Variants in CNBD1 observed in about 807,000 individuals in gnomAD.
CNBD1 encodes the protein cyclic nucleotide-binding domain-containing protein 1.
Under a neutral mutation model 54.4 loss-of-function variants are expected in CNBD1, and 71 were observed. The ratio of observed to expected loss-of-function variants is 1.30; its 90% CI spans 1.08 to 1.59. The LOEUF (loss-of-function observed/expected upper bound fraction) is 1.59. Among genes scored for constraint, CNBD1 ranks in the 40% most tolerant of loss-of-function variants. The pLI is 0.00. For missense variants in CNBD1, 659 were observed against 518.0 expected (o/e 1.27, Z -2.64); for synonymous variants, 182 against 170.7 (o/e 1.07, Z -0.51).
At chr8:87,382,572 A>C in intron 10 of CNBD1, 48 bp from the exon 11 acceptor site, 2 of 1,480,168 alleles carry the variant, frequency 1.4e-6, no homozygotes, top group Non-Finnish European at 1.8e-6. Context: ...ATTACCAAAA[A>C]TGAGTATTTA....
chr8:87,233,116 T>G (rs537028604), intron 5 of CNBD1, among the ~76,000 whole-genome samples: 1 of 152,312 alleles, frequency 6.6e-6, no homozygotes, highest in African/African-American at 2.4e-5. Context: ...AATTATTATA[T>G]TCAATGAATA....
intron 4 of CNBD1, among the ~76,000 whole-genome samples, chr8:87,102,967 G>T (rs1811462156): frequency 6.6e-6 from 1 of 152,152 alleles, no homozygotes; most frequent in Non-Finnish European, 1.5e-5. Flanking sequence ...GGATTCAGAG[G>T]AACTGAAGAA....
At chr8:87,286,272 G>T (rs990319344) in intron 7 of CNBD1, among the ~76,000 whole-genome samples, 2 of 151,946 alleles carry the variant, frequency 1.3e-5, no homozygotes, top group Admixed American at 6.6e-5. Context: ...ACTATGACAG[G>T]GTTTTTAAAA....
At chr8:87,012,211 G>T (rs1418026981) in intron 4 of CNBD1, among the ~76,000 whole-genome samples, 4 of 152,140 alleles carry the variant, frequency 2.6e-5, no homozygotes, top group African/African-American at 4.8e-5. Flanking sequence ...TAGGTCATTG[G>T]TTGCAGAAAT....
rs1253629952 is a variant in CNBD1, at chr8:86,965,889, G to A, written c.431+26135G>A. ...TTCTCAACAGAGAGGAGGCCCTGGAGAGGGTGGCTTCTCTCTGCTTGTGGT... is the reference window on the plus strand; with the variant it reads ...TTCTCAACAGAGAGGAGGCCCTGGAAAGGGTGGCTTCTCTCTGCTTGTGGT... On this transcript the variant is annotated intron_variant, in intron 4 of 10. Transcript: ENST00000518476. Among the ~76,000 whole-genome samples, 8 of 152,250 alleles carry A rather than the reference G, an allele frequency of 5.3e-5. No homozygotes were observed. The South Asian group carries it at 1.7e-3, about 32-fold the overall frequency.
At chr8:86,876,679 T>C (rs1176249484) in intron 1 of CNBD1, among the ~76,000 whole-genome samples, 1 of 151,882 alleles carries the variant, frequency 6.6e-6, no homozygotes, top group Non-Finnish European at 1.5e-5. Context: ...GTCATTTTTT[T>C]CTTCAGAGAA....
rs1169625402 is a variant in CNBD1, at chr8:86,961,222, C to T, written c.431+21468C>T. 2.6e-5 allele frequency among the ~76,000 whole-genome samples: 4 copies of T among 152,134 alleles called. No homozygotes were observed. In the East Asian group the frequency reaches 7.7e-4, roughly 29 times the overall value. ...CCTAGCCATAAGATAGCACTACAAG[C>T]TTACCAGTTTTACTTTGTTTGCCCC... On this transcript the variant is annotated intron_variant, in intron 4 of 10. Transcript: ENST00000518476.
Position 87,286,600 on chromosome 8 carries a change from A to G in CNBD1, c.971A>G (p.Glu324Gly), listed in dbSNP as rs1214841400. 1 of 1,496,334 alleles carries G rather than the reference A, an allele frequency of 6.7e-7. No individual in the cohort carries two copies. Among genetic ancestry groups the G allele is most frequent in the Non-Finnish European group, 9.1e-7 (1 of 1,095,348 alleles). 92.7% of individuals were successfully genotyped at this position (1,496,334 alleles called of 1,614,324 possible). A position where few individuals can be genotyped will look rare whatever the true frequency, so the allele number is the denominator to read the frequency against. The stretch of plus-strand genomic sequence containing the variant: ...TTAATCCGTATGTGTCCTTATTATG[A>G]GGAATGGCCTACTTTATCCATATAT... ...LKLIRMCPYY[E>G]EWPTLSIYEL... Residue 324 changes from glutamate (E) to glycine (G), a missense_variant, in exon 8 of 11, where the codon GAG (glutamate) becomes GGG (glycine). Physicochemically the swap from Glu to Gly is moderately conservative, Grantham distance 98 (BLOSUM62 -2). Coordinates refer to ENST00000518476, the MANE Select transcript of CNBD1 (RefSeq NM_173538.3).
At chr8:86,940,461 C>T (rs34552117) in intron 4 of CNBD1, among the ~76,000 whole-genome samples, 21 of 152,116 alleles carry the variant, frequency 1.4e-4, no homozygotes, top group Admixed American at 3.9e-4. Context: ...CTTCCGCACC[C>T]GGCCCCATTC....
intron 4 of CNBD1, among the ~76,000 whole-genome samples, chr8:87,173,227 C>A (rs1202728769): frequency 1.3e-5 from 2 of 152,128 alleles, no homozygotes; most frequent in Admixed American, 6.5e-5. Context: ...CTATTTATAT[C>A]TCATTGTAAT....
chr8:87,004,152 A>C (rs1337547880), intron 4 of CNBD1, among the ~76,000 whole-genome samples: 3 of 152,206 alleles, frequency 2.0e-5, no homozygotes, highest in African/African-American at 7.2e-5. Flanking sequence ...CGCATAATTT[A>C]TAAACAAAAG....
intron 4 of CNBD1, among the ~76,000 whole-genome samples, chr8:87,196,680 A>G (rs540264583): frequency 5.4e-4 from 83 of 152,296 alleles, no homozygotes; most frequent in Middle Eastern, 3.4e-3. Flanking sequence ...AGCTCAGCAG[A>G]TGCCACCCCA....
intron 4 of CNBD1, among the ~76,000 whole-genome samples, chr8:87,189,058 T>C (rs966439918): frequency 6.6e-6 from 1 of 152,144 alleles, no homozygotes; most frequent in Non-Finnish European, 1.5e-5. Context: ...TTCAAATGTC[T>C]AAGTACAAAA....
At chr8:87,011,609 A>G (rs992460257) in intron 4 of CNBD1, among the ~76,000 whole-genome samples, 1 of 152,148 alleles carries the variant, frequency 6.6e-6, no homozygotes, top group Non-Finnish European at 1.5e-5. Flanking sequence ...TTGTAAAAAA[A>G]TCTTTATAAA....
Position 86,894,654 on chromosome 8 carries a change from C to G in CNBD1, c.158+7043C>G, listed in dbSNP as rs191933783. On this transcript the variant is annotated intron_variant, in intron 2 of 10. Transcript: ENST00000518476. ...TGTTCAATGTTACAGAATAATTTTA[C>G]TACTCTAAAAATCTTCTGCTCCATC... Among the ~76,000 whole-genome samples the G allele has an allele frequency of 7.2e-5, 11 of 152,194 alleles. No homozygotes were observed. In the East Asian group the frequency reaches 1.7e-3, roughly 24 times the overall value.
chr8:87,153,144 T>C (rs1586293213), intron 4 of CNBD1, among the ~76,000 whole-genome samples: 1 of 152,304 alleles, frequency 6.6e-6, no homozygotes, highest in East Asian at 1.9e-4. Flanking sequence ...ATGACTTTCC[T>C]AATTGAATAG....
chr8:87,349,627 G>A (rs575069399), intron 8 of CNBD1, among the ~76,000 whole-genome samples: 68 of 152,108 alleles, frequency 4.5e-4, no homozygotes, highest in Non-Finnish European at 7.9e-4. Flanking sequence ...TGCCCGCCTC[G>A]GCCTCCCAAA....
intron 3 of CNBD1, among the ~76,000 whole-genome samples, chr8:86,926,218 C>T (rs1008108003): frequency 6.6e-6 from 1 of 152,206 alleles, no homozygotes; most frequent in African/African-American, 2.4e-5. Flanking sequence ...TCAATCTCCC[C>T]TCTCAACTGC....
intron 6 of CNBD1, among the ~76,000 whole-genome samples, chr8:87,275,522 A>T (rs1268622549): frequency 7.5e-6 from 1 of 132,870 alleles, no homozygotes; most frequent in East Asian, 2.1e-4. Context: ...AAATTCAACA[A>T]CACTTCATGC....
Sources: gnomAD v4.1 joint callset for allele counts (sites outside exome capture counted in the v4.1 genomes callset) on GRCh38, gnomAD v4.1.1 for gene constraint, MANE v1.5 for transcripts, NCBI Gene and HGNC (gene_info 2026-07-23, HGNC 2026-07-21) for gene names.